ATF7IP: variants seen among roughly 807,000 people sequenced by gnomAD.
ATF7IP encodes the protein activating transcription factor 7 interacting protein, also known as activating transcription factor 7-interacting protein 1.
A neutral mutation model predicts 106.4 loss-of-function variants in ATF7IP; 23 were observed. The observed-to-expected ratio is 0.22, with a 90% confidence interval of 0.16 to 0.31. ATF7IP has a LOEUF of 0.31. Among genes scored for constraint, ATF7IP ranks in the 10% least tolerant of loss-of-function variants. The pLI is 1.00. For synonymous variants in ATF7IP, 542 were observed against 539.0 expected, an observed-to-expected ratio of 1.01 and a Z score of -0.08; for missense variants, 1,334 against 1,524.3, an observed-to-expected ratio of 0.88 and a Z score of 2.08.
chr12:14,400,514 A>T (rs929587078), intron 1 of ATF7IP, among the ~76,000 whole-genome samples: 1 of 152,152 alleles, frequency 6.6e-6, no homozygotes, highest in Non-Finnish European at 1.5e-5. Context: ...TGGTATTTGC[A>T]CTATTAATTG....
At chr12:14,430,948 CTA>C in intron 2 of ATF7IP, among the ~76,000 whole-genome samples, 1 of 152,290 alleles carries the variant, frequency 6.6e-6, no homozygotes, top group East Asian at 1.9e-4. Flanking sequence ...TTGAAAATAT[CTA>C]TTTTTTGGCC....
intron 1 of ATF7IP, among the ~76,000 whole-genome samples, chr12:14,422,958 A>G (rs923889175): frequency 1.3e-5 from 2 of 152,190 alleles, no homozygotes; most frequent in Non-Finnish European, 2.9e-5. Flanking sequence ...TACTTCACAT[A>G]TTGTGGAACT....
intron 12 of ATF7IP, among the ~76,000 whole-genome samples, chr12:14,479,271 A>T (rs1944356039): frequency 6.6e-6 from 1 of 152,226 alleles, no homozygotes; most frequent in African/African-American, 2.4e-5. Flanking sequence ...CAATTTTTAA[A>T]TGTGTCTTAT....
At position 14,424,157 on chromosome 12, in the gene ATF7IP, C is replaced by T; in HGVS notation, c.242C>T (p.Pro81Leu). 1 of 1,614,112 alleles carries T rather than the reference C, an allele frequency of 6.2e-7. No homozygotes were observed. Among genetic ancestry groups the T allele is most frequent in the Non-Finnish European group, 8.5e-7 (1 of 1,180,026 alleles). Residue 81 changes from proline to leucine, a missense_variant, in exon 2 of 15, where the codon CCT becomes CTT. Coordinates refer to ENST00000261168, the MANE Select transcript of ATF7IP (RefSeq NM_018179.5). ...VNGIEEICFD[P>L]EGSKAEWKET... ...GGCATTGAAGAGATTTGTTTTGATC[C>T]TGAAGGAAGTAAAGCAGAATGGAAG...
At chr12:14,433,657 C>T (rs527355174) in intron 2 of ATF7IP, among the ~76,000 whole-genome samples, 6 of 150,494 alleles carry the variant, frequency 4.0e-5, no homozygotes, top group East Asian at 2.0e-4. Context: ...GCGACAAGAG[C>T]GAAACTCAGT....
chr12:14,475,893 G>A lies in ATF7IP; in HGVS notation c.2866G>A (p.Gly956Arg). 1.2e-6 allele frequency: 2 copies of A among 1,608,208 alleles called. No homozygotes were observed. The highest frequency in any genetic ancestry group is 1.7e-6 in the Non-Finnish European group (2 of 1,178,292). ...ATGTAGAAGTTTTGTTTTTCAGTGT[G>A]GAAAAGCCACTGGCAGTGATTCAAG... is the stretch of plus-strand genomic sequence containing the variant. ...KKAADSTSQCGKATGSDSSGV... is the reference protein window; with the variant it reads ...KKAADSTSQCRKATGSDSSGV... The change falls in exon 11 of 15, where the codon GGA (glycine) becomes AGA (arginine). Residue 956 changes from glycine to arginine, a missense_variant. Gly to Arg is a moderately radical substitution (Grantham distance 125). This residue lies in a region of ATF7IP where 370 missense variants were observed against 401.2 expected (regional missense o/e 0.92). Coordinates refer to ENST00000261168, the MANE Select transcript of ATF7IP (RefSeq NM_018179.5).
chr12:14,496,807 C>G (rs1239113119), intron 14 of ATF7IP, among the ~76,000 whole-genome samples: 1 of 152,084 alleles, frequency 6.6e-6, no homozygotes, highest in Non-Finnish European at 1.5e-5. Context: ...TAGATTTAGC[C>G]TCCAAAACAA....
At chr12:14,387,839 T>C (rs1361504565) in intron 1 of ATF7IP, among the ~76,000 whole-genome samples, 1 of 152,158 alleles carries the variant, frequency 6.6e-6, no homozygotes, top group Non-Finnish European at 1.5e-5. Flanking sequence ...TTTTAAAAAT[T>C]CTCCCCTTTT....
intron 5 of ATF7IP, among the ~76,000 whole-genome samples, 168 bp downstream of exon 5, chr12:14,438,435 C>T (rs1942521575): frequency 6.6e-6 from 1 of 152,158 alleles, no homozygotes; most frequent in Non-Finnish European, 1.5e-5. Flanking sequence ...GTGCAATAAA[C>T]TGAGTGGTTT....
chr12:14,403,731 T>C (rs919978491), intron 1 of ATF7IP, among the ~76,000 whole-genome samples: 21 of 152,248 alleles, frequency 1.4e-4, no homozygotes, highest in African/African-American at 5.1e-4. Context: ...ACTGCATTTA[T>C]CACTGAATTT....
chr12:14,452,691 T>G (rs1466157132), intron 6 of ATF7IP, among the ~76,000 whole-genome samples: 5 of 152,160 alleles, frequency 3.3e-5, no homozygotes, highest in Non-Finnish European at 5.9e-5. Flanking sequence ...GTTAACATAT[T>G]TTTAGTTTTT....
Position 14,497,717 on chromosome 12 carries a change from C to G in ATF7IP, c.3457C>G (p.Pro1153Ala), listed in dbSNP as rs1331146194. Residue 1153 changes from proline to alanine, a missense_variant, in exon 15 of 15, where the codon CCA becomes GCA. By Grantham distance (27) the Pro-to-Ala change is conservative. Coordinates refer to ENST00000261168, the MANE Select transcript of ATF7IP (RefSeq NM_018179.5). Reference sequence around the variant, plus strand: ...AGCTCCACAACCACAGCGTCTGCCCCCAGAAGCTGCCAGCACATCTCTGCC... The same window carrying G: ...AGCTCCACAACCACAGCGTCTGCCCGCAGAAGCTGCCAGCACATCTCTGCC... ...PEAPQPQRLP[P>A]EAASTSLPQK... 6.2e-7 allele frequency: 1 copy of G among 1,614,170 alleles called. No homozygotes were observed. The highest frequency in any genetic ancestry group is 1.7e-5 in the Admixed American group (1 of 60,020).
At chr12:14,451,919 T>C (rs1490125598) in intron 6 of ATF7IP, among the ~76,000 whole-genome samples, 1 of 152,206 alleles carries the variant, frequency 6.6e-6, no homozygotes, top group African/African-American at 2.4e-5. Flanking sequence ...GTTGATATTC[T>C]GTCTGATGGT....
chr12:14,446,951 G>A, intron 5 of ATF7IP, 37 bp from the exon 6 acceptor site: 1 of 1,343,600 alleles, frequency 7.4e-7, no homozygotes, highest in Middle Eastern at 2.0e-4. Context: ...AATACTATTT[G>A]ATTTCCATTC....
At chr12:14,428,362 T>G (rs1941966180) in intron 2 of ATF7IP, among the ~76,000 whole-genome samples, 1 of 152,224 alleles carries the variant, frequency 6.6e-6, no homozygotes, top group Non-Finnish European at 1.5e-5. Flanking sequence ...ATTAGCAGGG[T>G]AAATTTAGTG....
Position 14,474,385 on chromosome 12 carries a change from T to C in ATF7IP, c.2863-1505T>C, listed in dbSNP as rs563869673. Among the ~76,000 whole-genome samples the C allele has an allele frequency of 4.6e-5, 7 of 151,846 alleles. 1 individual carries two copies. Among genetic ancestry groups the C allele is most frequent in the African/African-American group, 1.7e-4 (7 of 41,518 alleles). Reference sequence around the variant, plus strand: ...TTTCCTGTTTGTGCATTCGTTATTATTATATTTAATTCTTTGAATTTTTTT... The same window carrying C: ...TTTCCTGTTTGTGCATTCGTTATTACTATATTTAATTCTTTGAATTTTTTT... On this transcript the variant is annotated intron_variant, in intron 10 of 14. Coordinates refer to ENST00000261168, the MANE Select transcript of ATF7IP (RefSeq NM_018179.5).
At chr12:14,441,781 G>T (rs193232965) in intron 5 of ATF7IP, among the ~76,000 whole-genome samples, 7 of 151,892 alleles carry the variant, frequency 4.6e-5, no homozygotes, top group Non-Finnish European at 1.0e-4. Flanking sequence ...GAGCCACCGC[G>T]CCCTGCCCAG....
intron 13 of ATF7IP, among the ~76,000 whole-genome samples, chr12:14,489,109 C>T (rs939996796): frequency 6.6e-6 from 1 of 152,158 alleles, no homozygotes; most frequent in Non-Finnish European, 1.5e-5. Context: ...TCCTTCATTC[C>T]TGAGGGGTCT....
In ATF7IP at chr12:14,460,879, C is replaced by G. The variant is rs1252571782; in HGVS notation, c.2543C>G (p.Pro848Arg). The change falls in exon 9 of 15, where the codon CCT becomes CGT. Residue 848 changes from proline to arginine, a missense_variant. Pro to Arg is a moderately radical substitution (Grantham distance 103). Transcript: ENST00000261168. ...AATCCCACTAAACCAAACAACGTTC[C>G]TTCTGTGCCCAGTCCTAGTATTCAA... ...LPNPTKPNNV[P>R]SVPSPSIQRN... The G allele has an allele frequency of 3.7e-6, 6 of 1,614,166 alleles. No homozygotes were observed. Among genetic ancestry groups the G allele is most frequent in the Non-Finnish European group, 5.1e-6 (6 of 1,180,038 alleles).
Sources: gnomAD v4.1 joint callset for allele counts (sites outside exome capture counted in the v4.1 genomes callset) on GRCh38, gnomAD v4.1.1 for gene constraint, gnomAD v4.1.1 regional missense constraint, MANE v1.5 for transcripts, NCBI Gene and HGNC (gene_info 2026-07-23, HGNC 2026-07-21) for gene names.